Variants in GFOD2 observed in about 807,000 individuals in gnomAD.
The protein encoded by GFOD2 is Gfo/Idh/MocA-like oxidoreductase domain containing 2, also known as glucose-fructose oxidoreductase domain-containing protein 2.
In GFOD2, 9 loss-of-function variants were observed where a neutral mutation model predicts 24.6. The ratio of observed to expected loss-of-function variants is 0.37; its 90% CI spans 0.22 to 0.64. GFOD2 has a LOEUF of 0.64. Ranked by LOEUF, GFOD2 falls within the 30% of genes least tolerant of loss-of-function variation. The pLI, the probability that GFOD2 is intolerant of heterozygous loss-of-function variation, is 0.65. For missense variants in GFOD2, 476 were observed against 532.5 expected, an observed-to-expected ratio of 0.89 and a Z score of 1.04; for synonymous variants, 211 against 224.8, an observed-to-expected ratio of 0.94 and a Z score of 0.55.
intron 1 of GFOD2, among the ~76,000 whole-genome samples, chr16:67,690,284 C>T (rs572890660): frequency 1.3e-5 from 2 of 152,324 alleles, no homozygotes; most frequent in East Asian, 3.9e-4. Flanking sequence ...TTTACATTTC[C>T]TCCAACAGCG....
At chr16:67,678,013 T>C (rs2053195387) in intron 2 of GFOD2, among the ~76,000 whole-genome samples, 2 of 152,234 alleles carry the variant, frequency 1.3e-5, no homozygotes, top group African/African-American at 4.8e-5. Context: ...GATGAGGTAA[T>C]GGTTAAGACA....
intron 1 of GFOD2, among the ~76,000 whole-genome samples, chr16:67,694,277 A>T (rs2053340769): frequency 6.6e-6 from 1 of 152,118 alleles, no homozygotes; most frequent in African/African-American, 2.4e-5. Flanking sequence ...GATTACAGGC[A>T]TGAGCCACTG....
intron 1 of GFOD2, among the ~76,000 whole-genome samples, chr16:67,687,867 T>C (rs1447300006): frequency 6.7e-5 from 10 of 149,928 alleles, no homozygotes; most frequent in Admixed American, 6.6e-5. Flanking sequence ...TAGTCCCAGC[T>C]ATTTGGGAGG....
intron 1 of GFOD2, among the ~76,000 whole-genome samples, chr16:67,689,221 T>C (rs751744096): frequency 3.3e-5 from 5 of 150,408 alleles, no homozygotes; most frequent in Non-Finnish European, 5.9e-5. Flanking sequence ...GTATTTTTGG[T>C]AGTGATGAGG....
intron 1 of GFOD2, among the ~76,000 whole-genome samples, chr16:67,698,548 T>A (rs1213668651): frequency 2.0e-5 from 3 of 152,198 alleles, no homozygotes; most frequent in Admixed American, 2.0e-4. Context: ...GGCGTGATCT[T>A]GGCTCATTGC....
At chr16:67,701,717 A>C (rs1001094140) in intron 1 of GFOD2, among the ~76,000 whole-genome samples, 2 of 152,082 alleles carry the variant, frequency 1.3e-5, no homozygotes, top group Non-Finnish European at 2.9e-5. Flanking sequence ...ATAGCACAGA[A>C]TATACAGAAA....
intron 1 of GFOD2, among the ~76,000 whole-genome samples, chr16:67,694,080 G>C (rs191644340): frequency 6.6e-6 from 1 of 151,620 alleles, no homozygotes; most frequent in Non-Finnish European, 1.5e-5. Context: ...TCCACCTCCC[G>C]AGCTCTGAGG....
intron 1 of GFOD2, among the ~76,000 whole-genome samples, chr16:67,718,197 TTAAGGGCCACACAC>T (rs1331332458): frequency 6.6e-6 from 1 of 152,222 alleles, no homozygotes; most frequent in East Asian, 1.9e-4. Context: ...TCCCTTCAAC[TTAAGGGCCACACAC>T]TAAGGGCTAT....
intron 1 of GFOD2, among the ~76,000 whole-genome samples, chr16:67,704,667 ACAGT>A (rs1405367557): frequency 2.0e-5 from 3 of 152,256 alleles, no homozygotes; most frequent in Non-Finnish European, 2.9e-5. Context: ...AAGTGCACAC[ACAGT>A]CAGAACTGAC....
intron 1 of GFOD2, among the ~76,000 whole-genome samples, chr16:67,702,868 G>T (rs2053412973): frequency 2.0e-5 from 3 of 151,982 alleles, no homozygotes; most frequent in Admixed American, 6.6e-5. Flanking sequence ...AAAGTGCTGG[G>T]ATTACAGGAG....
At chr16:67,688,292 T>C (rs2053283608) in intron 1 of GFOD2, among the ~76,000 whole-genome samples, 1 of 152,214 alleles carries the variant, frequency 6.6e-6, no homozygotes, top group African/African-American at 2.4e-5. Context: ...CTCTATTCAA[T>C]GCTGTAGAAG....
intron 1 of GFOD2, among the ~76,000 whole-genome samples, chr16:67,690,280 T>C (rs1039082398): frequency 2.6e-5 from 4 of 152,252 alleles, no homozygotes; most frequent in Admixed American, 1.3e-4. Flanking sequence ...CCATTTTACA[T>C]TTCCTCCAAC....
intron 1 of GFOD2, among the ~76,000 whole-genome samples, chr16:67,695,069 T>C (rs2053348606): frequency 6.8e-6 from 1 of 146,848 alleles, no homozygotes. Flanking sequence ...CTCGGCTCAC[T>C]GCAACCTTTG....
chr16:67,698,541 G>A (rs1356778316), intron 1 of GFOD2, among the ~76,000 whole-genome samples: 2 of 152,048 alleles, frequency 1.3e-5, no homozygotes, highest in East Asian at 1.9e-4. Flanking sequence ...GTGCAGTGGC[G>A]TGATCTTGGC....
Position 67,685,405 on chromosome 16 carries a change from C to T in GFOD2, c.259+52G>A, listed in dbSNP as rs1361972676. 5 of 1,611,862 alleles carry T rather than the reference C, an allele frequency of 3.1e-6. No homozygotes were observed. The East Asian group carries it at 6.7e-5, about 22-fold the overall frequency. On this transcript the variant is annotated intron_variant, in intron 2 of 2. Transcript: ENST00000268797. ...GAGGAGAGGAGTGACCCTCAGAGGACTGCCCAGAGGGAGAGACATGATCTG... is the reference window on the plus strand; with the variant it reads ...GAGGAGAGGAGTGACCCTCAGAGGATTGCCCAGAGGGAGAGACATGATCTG...
At chr16:67,698,759 G>C (rs944258049) in intron 1 of GFOD2, among the ~76,000 whole-genome samples, 3 of 152,194 alleles carry the variant, frequency 2.0e-5, no homozygotes, top group African/African-American at 4.8e-5. Flanking sequence ...GATTACAGGC[G>C]TGAGCCACTG....
intron 2 of GFOD2, chr16:67,677,114 C>A (rs1361236227): frequency 6.6e-6 from 1 of 152,210 alleles, no homozygotes; most frequent in Non-Finnish European, 1.5e-5. Flanking sequence ...CGAAAAAGCT[C>A]TCCAATGTGC....
intron 2 of GFOD2, chr16:67,683,705 C>G: frequency 1.6e-6 from 2 of 1,230,232 alleles, no homozygotes; most frequent in Non-Finnish European, 2.0e-6. Context: ...CCAGAGGTGA[C>G]AGACACCTTC....
At chr16:67,691,677 C>T (rs1158949838) in intron 1 of GFOD2, among the ~76,000 whole-genome samples, 2 of 152,122 alleles carry the variant, frequency 1.3e-5, no homozygotes, top group East Asian at 1.9e-4. Context: ...TCCCTCTGCA[C>T]CTTCTATATA....
Sources: gnomAD v4.1 joint callset for allele counts (sites outside exome capture counted in the v4.1 genomes callset) on GRCh38, gnomAD v4.1.1 for gene constraint, MANE v1.5 for transcripts, NCBI Gene and HGNC (gene_info 2026-07-23, HGNC 2026-07-21) for gene names.